Variants in GSE1 observed in about 807,000 individuals in gnomAD.
The protein encoded by GSE1 is Gse1 coiled-coil protein, also known as genetic suppressor element 1.
In GSE1, 32 loss-of-function variants were observed where a neutral mutation model predicts 112.6. That is an observed-to-expected ratio of 0.28 (90% CI 0.21 to 0.38). The LOEUF is 0.38. Ranked by LOEUF, GSE1 falls within the 10% of genes least tolerant of loss-of-function variation. GSE1 has a pLI of 1.00. For synonymous variants in GSE1, 1,115 were observed against 735.6 expected (o/e 1.52, Z -8.35); for missense variants, 2,348 against 1,699.2 (o/e 1.38, Z -6.71).
intron 2 of GSE1, among the ~76,000 whole-genome samples, chr16:85,382,808 T>C (rs556953557): frequency 8.2e-5 from 12 of 146,112 alleles, no homozygotes; most frequent in Admixed American, 8.1e-4. Context: ...GCACACACAC[T>C]CATACACACA....
At chr16:85,608,724 C>T (rs549182988), upstream of GSE1, among the ~76,000 whole-genome samples, 32 of 152,324 alleles carry the variant, frequency 2.1e-4, no homozygotes, top group African/African-American at 6.3e-4. Flanking sequence ...CTTGCAGGGC[C>T]GGGAGGGCTT....
intron 1 of GSE1, chr16:85,185,318 G>A (rs1488532595): frequency 6.6e-6 from 1 of 152,272 alleles, no homozygotes; most frequent in Non-Finnish European, 1.5e-5. Context: ...CTGCACACAG[G>A]TTTTCTCTAC....
chr16:85,600,864 G>C (rs1472651196), intron 1 of GSE1, among the ~76,000 whole-genome samples: 3 of 152,108 alleles, frequency 2.0e-5, no homozygotes, highest in Non-Finnish European at 4.4e-5. Context: ...GCGCTGATGA[G>C]GGTTTGTGTC....
At chr16:85,424,191 T>C (rs12927364) in intron 2 of GSE1, among the ~76,000 whole-genome samples, 60,058 of 152,220 alleles carry the variant, frequency 0.39, 12,865 homozygotes, top group Non-Finnish European at 0.48. Context: ...TGTTCGTTCA[T>C]TGGGGGACTT....
At chr16:85,191,439 C>T (rs892064616) in intron 1 of GSE1, among the ~76,000 whole-genome samples, 1 of 152,198 alleles carries the variant, frequency 6.6e-6, no homozygotes, top group Non-Finnish European at 1.5e-5. Context: ...CCCATTCTGC[C>T]TGGCCACATT....
intron 2 of GSE1, among the ~76,000 whole-genome samples, chr16:85,550,048 A>G (rs183991589): frequency 9.5e-4 from 144 of 152,282 alleles, no homozygotes; most frequent in African/African-American, 3.2e-3. Flanking sequence ...CTGCTCATGG[A>G]GTCTCTGTGT....
intron 1 of GSE1, among the ~76,000 whole-genome samples, chr16:85,183,731 C>T (rs2074643114): frequency 1.3e-5 from 2 of 152,336 alleles, no homozygotes; most frequent in Non-Finnish European, 2.9e-5. Flanking sequence ...CCCTTTACCT[C>T]AGAGGTGATT....
intron 1 of GSE1, among the ~76,000 whole-genome samples, chr16:85,628,091 C>T (rs980765281): frequency 6.6e-6 from 1 of 152,218 alleles, no homozygotes; most frequent in Non-Finnish European, 1.5e-5. Flanking sequence ...CCAGGGGGAC[C>T]CCTCCAAGGA....
intron 1 of GSE1, among the ~76,000 whole-genome samples, chr16:85,220,662 G>A (rs1197106800): frequency 1.3e-5 from 2 of 152,118 alleles, no homozygotes; most frequent in East Asian, 1.9e-4. Flanking sequence ...GGCCCGTCTC[G>A]CTTTGTCTCT....
intron 2 of GSE1, among the ~76,000 whole-genome samples, chr16:85,424,910 T>C (rs2048933303): frequency 6.6e-6 from 1 of 152,270 alleles, no homozygotes; most frequent in African/African-American, 2.4e-5. Flanking sequence ...AACATCATAT[T>C]TGCAGAATAT....
intron 2 of GSE1, among the ~76,000 whole-genome samples, chr16:85,376,441 G>A (rs780685667): frequency 6.6e-6 from 1 of 152,200 alleles, no homozygotes; most frequent in South Asian, 2.1e-4. Context: ...GGCTGCGCGG[G>A]CTGGTCTGGC....
At chr16:85,660,326 C>T (rs955465187) in intron 8 of GSE1, among the ~76,000 whole-genome samples, 1 of 152,194 alleles carries the variant, frequency 6.6e-6, no homozygotes, top group Non-Finnish European at 1.5e-5. Flanking sequence ...CTTGGAGCAG[C>T]CTGCACACAC....
At chr16:85,320,291 G>A (rs2930232) in intron 1 of GSE1, among the ~76,000 whole-genome samples, 48,462 of 152,010 alleles carry the variant, frequency 0.32, 8,311 homozygotes, top group Admixed American at 0.43. Flanking sequence ...ATTTGAGGCC[G>A]GAGCAGTTTT....
intron 2 of GSE1, among the ~76,000 whole-genome samples, chr16:85,361,606 G>A (rs974699812): frequency 1.3e-5 from 2 of 152,218 alleles, no homozygotes; most frequent in South Asian, 4.1e-4. Context: ...AGGGCAGGTG[G>A]CGCGACTGTA....
chr16:85,176,070 C>T (rs2074457704), intron 1 of GSE1, among the ~76,000 whole-genome samples: 1 of 152,156 alleles, frequency 6.6e-6, no homozygotes, highest in South Asian at 2.1e-4. Context: ...CTCACTGCAG[C>T]CTCCCCCTCC....
At chr16:85,277,410 G>C (rs1428889174) in intron 1 of GSE1, among the ~76,000 whole-genome samples, 1 of 152,202 alleles carries the variant, frequency 6.6e-6, no homozygotes, top group Non-Finnish European at 1.5e-5. Flanking sequence ...AGGCGGAAGA[G>C]GCTGAGCTGC....
chr16:85,661,510 C>G lies in GSE1; in HGVS notation c.2005C>G (p.Pro669Ala), dbSNP rs769707874. The change falls in exon 9 of 16, where the codon CCC (proline) becomes GCC (alanine). Residue 669 changes from proline to alanine, a missense_variant. Pro to Ala is a conservative substitution (Grantham distance 27, BLOSUM62 -1). Coordinates refer to ENST00000253458, the MANE Select transcript of GSE1 (RefSeq NM_014615.5). ...GGSLEHQPFL[P>A]GPGPFLAELE... is the part of the protein sequence containing the mutation. ...GAGCCTGGAGCACCAGCCCTTCCTG[C>G]CCGGGCCCGGGCCCTTCCTGGCTGA... 6 of 1,611,870 alleles carry G rather than the reference C, an allele frequency of 3.7e-6. No homozygotes were observed. The highest frequency in any genetic ancestry group is 5.1e-6 in the Non-Finnish European group (6 of 1,179,642).
At chr16:85,591,959 G>T (rs750048397) in intron 1 of GSE1, among the ~76,000 whole-genome samples, 2 of 152,162 alleles carry the variant, frequency 1.3e-5, no homozygotes, top group Non-Finnish European at 2.9e-5. Flanking sequence ...TCAGAATGTG[G>T]CTGGAGCAAT....
intron 1 of GSE1, among the ~76,000 whole-genome samples, chr16:85,312,041 C>T (rs1433162921): frequency 1.3e-5 from 2 of 152,192 alleles, no homozygotes; most frequent in Non-Finnish European, 1.5e-5. Context: ...ACCAGGGTGG[C>T]CCAGGCTGGC....
Sources: allele counts gnomAD v4.1 joint callset (sites outside exome capture counted in the v4.1 genomes callset), GRCh38; gene constraint gnomAD v4.1.1; transcripts MANE v1.5; gene names NCBI Gene and HGNC (gene_info 2026-07-23, HGNC 2026-07-21).